The following PCSK5 variants were observed in gnomAD, a reference collection of about 807,000 sequenced individuals.
PCSK5 encodes the protein prohormone convertase 5.
Under a neutral mutation model 233.2 loss-of-function variants are expected in PCSK5, and 129 were observed. The observed-to-expected ratio is 0.55, with a 90% CI of 0.48 to 0.64. The LOEUF (loss-of-function observed/expected upper bound fraction) is 0.64. Ranked by LOEUF, PCSK5 falls within the 30% of genes least tolerant of loss-of-function variation. The pLI is 0.00. For missense variants in PCSK5, 2,076 were observed against 2,430.1 expected, an observed-to-expected ratio of 0.85 and a Z score of 3.06; for synonymous variants, 825 against 879.2, an observed-to-expected ratio of 0.94 and a Z score of 1.09.
At chr9:76,183,340 A>G (rs938442883) in intron 16 of PCSK5, among the ~76,000 whole-genome samples, 2 of 152,186 alleles carry the variant, frequency 1.3e-5, no homozygotes, top group Non-Finnish European at 2.9e-5. Flanking sequence ...GCCTTATGTT[A>G]TAGTTTTCCT....
intron 27 of PCSK5, among the ~76,000 whole-genome samples, chr9:76,297,764 C>T (rs1828486590): frequency 2.6e-5 from 4 of 152,072 alleles, no homozygotes; most frequent in South Asian, 4.1e-4. Flanking sequence ...CAACGGCAGC[C>T]GAAGAGAGTG....
intron 4 of PCSK5, among the ~76,000 whole-genome samples, chr9:76,026,064 A>G (rs10781326): frequency 0.13 from 19,485 of 152,140 alleles, 1,412 homozygotes; most frequent in East Asian, 0.3. Context: ...CCGTGATCAC[A>G]CCACTGCCCT....
At chr9:76,357,023 G>A (rs1587375604) in intron 37 of PCSK5, among the ~76,000 whole-genome samples, 1 of 152,016 alleles carries the variant, frequency 6.6e-6, no homozygotes, top group African/African-American at 2.4e-5. Flanking sequence ...CCCATGTGGT[G>A]GGTTAAAGAA....
intron 27 of PCSK5, 118 bp downstream of exon 27, chr9:76,296,983 G>A: frequency 1.5e-6 from 1 of 685,898 alleles, no homozygotes; most frequent in Non-Finnish European, 2.6e-6. Context: ...AAAAACAAGA[G>A]TTTGGAGTGA....
chr9:76,343,333 T>TGTGTGTGTGTGTG (rs1564191885), intron 35 of PCSK5, among the ~76,000 whole-genome samples: 4 of 133,812 alleles, frequency 3.0e-5, no homozygotes, highest in African/African-American at 8.8e-5. Context: ...CCTGGGTAAT[T>TGTGTGTGTGTGTG]TGTGTGTGTG....
At chr9:75,898,447 G>T (rs72728960) in intron 1 of PCSK5, among the ~76,000 whole-genome samples, 1 of 152,136 alleles carries the variant, frequency 6.6e-6, no homozygotes, top group African/African-American at 2.4e-5. Context: ...ACCTGAAAAA[G>T]ACTCCTGATC....
At chr9:76,024,634 A>G (rs12344217) in intron 4 of PCSK5, among the ~76,000 whole-genome samples, 67,732 of 152,058 alleles carry the variant, frequency 0.45, 16,986 homozygotes, top group African/African-American at 0.68. Flanking sequence ...CACTGCATAC[A>G]AATGTATTTG....
At chr9:76,016,886 C>A (rs1827969868) in intron 3 of PCSK5, among the ~76,000 whole-genome samples, 1 of 151,788 alleles carries the variant, frequency 6.6e-6, no homozygotes, top group Non-Finnish European at 1.5e-5. Flanking sequence ...AATTTTGGAA[C>A]AGGATTTATT....
chr9:76,081,472 T>C (rs1361107493), intron 7 of PCSK5, among the ~76,000 whole-genome samples: 6 of 151,864 alleles, frequency 4.0e-5, no homozygotes, highest in Middle Eastern at 3.4e-3. Flanking sequence ...AATAAATAAA[T>C]AAACAAACAA....
chr9:75,958,853 T>C (rs916966563), intron 2 of PCSK5, among the ~76,000 whole-genome samples: 4 of 152,190 alleles, frequency 2.6e-5, no homozygotes, highest in African/African-American at 9.7e-5. Context: ...CTTGAAAGCA[T>C]TGTATTTATC....
chr9:76,312,424 GT>G (rs1828887751), intron 30 of PCSK5, among the ~76,000 whole-genome samples: 1 of 151,202 alleles, frequency 6.6e-6, no homozygotes, highest in African/African-American at 2.4e-5. Context: ...CAGGAGACTC[GT>G]TTGAACTCGG....
At chr9:76,205,076 C>G in intron 20 of PCSK5, 1 of 518,062 alleles carries the variant, frequency 1.9e-6, no homozygotes, top group Non-Finnish European at 3.9e-6. Flanking sequence ...AATTGTCTTT[C>G]CACACTCTCA....
intron 20 of PCSK5, among the ~76,000 whole-genome samples, chr9:76,198,754 C>G (rs1245372641): frequency 1.3e-5 from 2 of 152,110 alleles, no homozygotes; most frequent in Non-Finnish European, 2.9e-5. Context: ...GTTCTCTTGC[C>G]CTCTTCAAAC....
intron 7 of PCSK5, among the ~76,000 whole-genome samples, chr9:76,073,789 T>C (rs944778859): frequency 2.0e-5 from 3 of 152,170 alleles, no homozygotes; most frequent in Non-Finnish European, 2.9e-5. Flanking sequence ...GGCGTGTCAC[T>C]GAAGCAGAAC....
intron 6 of PCSK5, among the ~76,000 whole-genome samples, chr9:76,071,004 A>G (rs1180464641): frequency 5.3e-5 from 8 of 152,178 alleles, no homozygotes; most frequent in Non-Finnish European, 1.2e-4. Flanking sequence ...ATAGAAGGAA[A>G]AAAGGAAAGC....
At chr9:75,920,680 C>G (rs1376928755) in intron 1 of PCSK5, among the ~76,000 whole-genome samples, 1 of 151,984 alleles carries the variant, frequency 6.6e-6, no homozygotes, top group Non-Finnish European at 1.5e-5. Context: ...GTGGCACACA[C>G]CTGTAATCCC....
chr9:75,931,772 T>C (rs1823813550), intron 1 of PCSK5, among the ~76,000 whole-genome samples: 1 of 152,180 alleles, frequency 6.6e-6, no homozygotes, highest in African/African-American at 2.4e-5. Context: ...ACAGGAAGCT[T>C]AGCTGATAGG....
chr9:75,969,452 G>A (rs1193744620), intron 2 of PCSK5, among the ~76,000 whole-genome samples: 1 of 152,124 alleles, frequency 6.6e-6, no homozygotes, highest in African/African-American at 2.4e-5. Flanking sequence ...CTGGACCCCT[G>A]GAGTCAAATC....
At chr9:76,039,884 C>T (rs563479014) in intron 5 of PCSK5, among the ~76,000 whole-genome samples, 202 of 152,288 alleles carry the variant, frequency 1.3e-3, no homozygotes, top group Admixed American at 2.0e-3. Flanking sequence ...ATGTGTTTCT[C>T]ATGACAGAAT....
Sources: gnomAD v4.1 joint callset for allele counts (sites outside exome capture counted in the v4.1 genomes callset) on GRCh38, gnomAD v4.1.1 for gene constraint, MANE v1.5 for transcripts, NCBI Gene and HGNC (gene_info 2026-07-23, HGNC 2026-07-21) for gene names.